Variants in KMT2C observed in about 807,000 individuals in gnomAD.
The protein encoded by KMT2C is lysine methyltransferase 2C, also known as histone-lysine N-methyltransferase 2C.
In KMT2C, 88 loss-of-function variants were observed where a neutral mutation model predicts 507.9. That is an observed-to-expected ratio of 0.17 (90% CI 0.15 to 0.21). KMT2C has a LOEUF of 0.21. Among genes scored for constraint, KMT2C ranks in the 10% least tolerant of loss-of-function variants. The pLI, the probability that KMT2C is intolerant of heterozygous loss-of-function variation, is 1.00. For missense variants in KMT2C, 4,954 were observed against 5,957.8 expected, an observed-to-expected ratio of 0.83 and a Z score of 5.55; for synonymous variants, 2,049 against 2,080.8, an observed-to-expected ratio of 0.98 and a Z score of 0.42.
chr7:152,376,711 T>C (rs937211977), intron 1 of KMT2C, among the ~76,000 whole-genome samples: 28 of 152,184 alleles, frequency 1.8e-4, no homozygotes, highest in Admixed American at 2.6e-4. Context: ...CGTCATAACA[T>C]AAAAGTGGAA....
rs587778512 is a variant in KMT2C, at chr7:152,146,663, G to A, written c.13967C>T (p.Ala4656Val). 25 of 1,613,818 alleles carry A rather than the reference G, an allele frequency of 1.5e-5. No homozygotes were observed. The highest frequency in any genetic ancestry group is 1.3e-4 in the East Asian group (6 of 44,894). Residue 4656 changes from alanine (A) to valine (V), a missense_variant, in exon 53 of 59, where the codon GCG (alanine) becomes GTG (valine). Coordinates refer to ENST00000262189, the MANE Select transcript of KMT2C (RefSeq NM_170606.3). The part of the protein sequence containing the change: ...KKSEMLQLFP[A>V]YLKGEDLFGL... ...AAACAGATCCTCTCCTTTTAAATAC[G>A]CTGGGAAAAGCTGGAGCATTTCAGA...
Position 152,187,339 on chromosome 7 carries a change from G to C in KMT2C, c.4931C>G (p.Ala1644Gly), listed in dbSNP as rs941555670. The C allele has an allele frequency of 6.2e-7, 1 of 1,614,122 alleles. No individual in the cohort carries two copies. The highest frequency in any genetic ancestry group is 1.3e-5 in the African/African-American group (1 of 75,034). ...RSTLKWEKEE[A>G]LGEMATVAPV... ...GGCAACAGTTGCCATTTCACCCAGAGCCTCCTCTTTCTCCCACTTAAGCGT... is the reference window on the plus strand; with the variant it reads ...GGCAACAGTTGCCATTTCACCCAGACCCTCCTCTTTCTCCCACTTAAGCGT... Residue 1644 changes from alanine (A) to glycine (G), a missense_variant, in exon 33 of 59, where the codon GCT becomes GGT. Physicochemically the swap from Ala to Gly is moderately conservative, Grantham distance 60 (BLOSUM62 0). Around this residue, in one of 29 missense-constraint regions of KMT2C, gnomAD observed 195 missense variants for 183.7 expected, o/e 1.06. Coordinates refer to ENST00000262189, the MANE Select transcript of KMT2C (RefSeq NM_170606.3).
At chr7:152,147,942 A>G in intron 52 of KMT2C, 91 bp downstream of exon 52, 1 of 1,350,816 alleles carries the variant, frequency 7.4e-7, no homozygotes, top group Non-Finnish European at 1.0e-6. Flanking sequence ...TAAAACTAAC[A>G]TGAGACAAAC....
chr7:152,146,347 G>C lies in KMT2C; in HGVS notation c.14031+252C>G, dbSNP rs188683779. 8.5e-5 allele frequency among the ~76,000 whole-genome samples: 13 copies of C among 152,308 alleles called. No individual in the cohort carries two copies. In the East Asian group the frequency reaches 2.5e-3, roughly 29 times the overall value. ...ACACCCAGAAGATGTGACAAGCCTG[G>C]TGTCCTTCACCCCTGCTTGCCTCCA... On this transcript the variant is annotated intron_variant, in intron 53 of 58. Coordinates refer to ENST00000262189, the MANE Select transcript of KMT2C (RefSeq NM_170606.3).
chr7:152,208,231 G>C (rs2094358653), intron 23 of KMT2C, among the ~76,000 whole-genome samples: 1 of 151,276 alleles, frequency 6.6e-6, no homozygotes, highest in African/African-American at 2.4e-5. Flanking sequence ...AAACTTTCCA[G>C]CTTCATCTCA....
chr7:152,372,459 C>T (rs572998514), intron 1 of KMT2C, among the ~76,000 whole-genome samples: 4 of 151,954 alleles, frequency 2.6e-5, no homozygotes, highest in Non-Finnish European at 4.4e-5. Flanking sequence ...CCCAGCCAAG[C>T]GGATTTTTAA....
chr7:152,180,381 T>C (rs907259504), intron 36 of KMT2C, among the ~76,000 whole-genome samples: 1 of 152,144 alleles, frequency 6.6e-6, no homozygotes, highest in Admixed American at 6.6e-5. Flanking sequence ...GTTTCAAAGT[T>C]TGATGAAATA....
At chr7:152,410,393 C>A (rs1243581296) in intron 1 of KMT2C, among the ~76,000 whole-genome samples, 1 of 143,978 alleles carries the variant, frequency 6.9e-6, no homozygotes, top group African/African-American at 2.6e-5. Flanking sequence ...GCTTGGGCGA[C>A]GGAGGAAGAC....
intron 7 of KMT2C, among the ~76,000 whole-genome samples, chr7:152,268,691 T>G (rs2095903726): frequency 6.6e-6 from 1 of 152,204 alleles, no homozygotes; most frequent in African/African-American, 2.4e-5. Context: ...ATTTAAAAAT[T>G]GATCTTTTTG....
chr7:152,137,468 G>C (rs996842469), intron 58 of KMT2C: 1 of 153,086 alleles, frequency 6.5e-6, no homozygotes, highest in East Asian at 1.9e-4. Flanking sequence ...ACAAGCCTCA[G>C]TGCGCGGCCC....
Position 152,182,278 on chromosome 7 carries a change from C to T in KMT2C, c.5582G>A (p.Arg1861Gln), listed in dbSNP as rs760210077. The change falls in exon 36 of 59, where the codon CGG (arginine) becomes CAG (glutamine). Residue 1861 changes from arginine to glutamine, a missense_variant. Arg to Gln is a conservative substitution (Grantham distance 43). This residue lies in a region of KMT2C where 1,689 missense variants were observed against 1,654.3 expected (regional missense o/e 1.02). Coordinates refer to ENST00000262189, the MANE Select transcript of KMT2C (RefSeq NM_170606.3). ...QAPPPPPAPS[R>Q]IPIQDSLSQA... is the part of the protein sequence containing the mutation. ...AGAAAGACTATCCTGGATGGGAATC[C>T]GGGATGGGGCTGGAGGAGGAGGTGG... is the stretch of plus-strand genomic sequence containing the variant. The T allele has an allele frequency of 3.7e-6, 6 of 1,613,892 alleles. No individual in the cohort carries two copies. Among genetic ancestry groups the T allele is most frequent in the Non-Finnish European group, 3.4e-6 (4 of 1,179,974 alleles).
chr7:152,243,430 T>C (rs1241818587), intron 14 of KMT2C, among the ~76,000 whole-genome samples: 2 of 152,206 alleles, frequency 1.3e-5, no homozygotes, highest in Admixed American at 6.5e-5. Context: ...TTCTTATAAT[T>C]TGTCCAAGAG....
intron 1 of KMT2C, among the ~76,000 whole-genome samples, chr7:152,369,995 C>G (rs1375050083): frequency 6.6e-6 from 1 of 152,050 alleles, no homozygotes; most frequent in Non-Finnish European, 1.5e-5. Context: ...AGATCGAGAC[C>G]ATCCTGGCTA....
chr7:152,176,493 A>C lies in KMT2C; in HGVS notation c.8960T>G (p.Val2987Gly), dbSNP rs2129113142. The C allele has an allele frequency of 6.2e-7, 1 of 1,614,144 alleles. No individual in the cohort carries two copies. Among genetic ancestry groups the C allele is most frequent in the Non-Finnish European group, 8.5e-7 (1 of 1,180,028 alleles). ...TGGAATGAGCCCTGGGTTTACCTGC[A>C]CACCCTGAGAAAAAACATGGTTTAC... is the stretch of plus-strand genomic sequence containing the variant. Reference protein sequence around the residue: ...SRVNHVFSQGVQVNPGLIPGQ... With the variant: ...SRVNHVFSQGGQVNPGLIPGQ... Residue 2987 changes from valine (V) to glycine (G), a missense_variant, in exon 38 of 59, where the codon GTG becomes GGG. This residue lies in a region of KMT2C where 1,689 missense variants were observed against 1,654.3 expected (regional missense o/e 1.02). Transcript: ENST00000262189.
At chr7:152,380,516 C>A (rs567347278) in intron 1 of KMT2C, among the ~76,000 whole-genome samples, 38 of 149,840 alleles carry the variant, frequency 2.5e-4, no homozygotes, top group African/African-American at 8.9e-4. Context: ...TGCAGTGAGC[C>A]GAGATCGCAC....
At chr7:152,214,835 C>T (rs1182045360) in intron 23 of KMT2C, among the ~76,000 whole-genome samples, 5 of 151,838 alleles carry the variant, frequency 3.3e-5, no homozygotes, top group South Asian at 2.1e-4. Flanking sequence ...AGAAGTAGGT[C>T]GGAGGGTACA....
rs781608784 is a variant in KMT2C, at chr7:152,181,642, T to C, written c.6218A>G (p.Glu2073Gly). Reference protein sequence around the residue: ...ASRRLSVDPYERPALTPRPID... With the variant: ...ASRRLSVDPYGRPALTPRPID... ...AGGTCTTGGTGTCAAAGCAGGCCTTTCATAAGGGTCAACAGACAATCGCCT... is the reference window on the plus strand; with the variant it reads ...AGGTCTTGGTGTCAAAGCAGGCCTTCCATAAGGGTCAACAGACAATCGCCT... Residue 2073 changes from glutamate (E) to glycine (G), a missense_variant, in exon 36 of 59, where the codon GAA (glutamate) becomes GGA (glycine). Glu to Gly is a moderately conservative substitution (Grantham distance 98). Coordinates refer to ENST00000262189, the MANE Select transcript of KMT2C (RefSeq NM_170606.3). 1 of 1,614,010 alleles carries C rather than the reference T, an allele frequency of 6.2e-7. No individual in the cohort carries two copies. The highest frequency in any genetic ancestry group is 2.2e-5 in the East Asian group (1 of 44,886).
chr7:152,263,532 A>T (rs2095814607), intron 8 of KMT2C, among the ~76,000 whole-genome samples: 1 of 152,220 alleles, frequency 6.6e-6, no homozygotes, highest in South Asian at 2.1e-4. Flanking sequence ...AGAGGATCAA[A>T]TTTGGCATCA....
At chr7:152,282,918 T>G (rs2096244561) in intron 6 of KMT2C, among the ~76,000 whole-genome samples, 1 of 152,142 alleles carries the variant, frequency 6.6e-6, no homozygotes, top group African/African-American at 2.4e-5. Flanking sequence ...AAACTCAACT[T>G]TTAATGGAAA....
Sources: gnomAD v4.1 joint callset for allele counts (sites outside exome capture counted in the v4.1 genomes callset) on GRCh38, gnomAD v4.1.1 for gene constraint, gnomAD v4.1.1 regional missense constraint, MANE v1.5 for transcripts, NCBI Gene and HGNC (gene_info 2026-07-23, HGNC 2026-07-21) for gene names.